Variants in WDPCP observed in about 807,000 individuals in gnomAD.
WDPCP encodes the protein WD repeat-containing and planar cell polarity effector protein fritz homolog.
In WDPCP, 71 loss-of-function variants were observed where a neutral mutation model predicts 93.1. That is an observed-to-expected ratio of 0.76 (90% CI 0.63 to 0.93). WDPCP has a LOEUF of 0.93. WDPCP is among the 40% of genes least tolerant of loss of function. WDPCP has a pLI of 0.00. For missense variants in WDPCP, 844 were observed against 887.4 expected (o/e 0.95, Z 0.62); for synonymous variants, 315 against 315.0 (o/e 1.00, Z 0.00).
At chr2:63,765,710 A>G (rs927383755) in intron 2 of WDPCP, among the ~76,000 whole-genome samples, 2 of 152,204 alleles carry the variant, frequency 1.3e-5, no homozygotes, top group African/African-American at 4.8e-5. Flanking sequence ...CAGACCAGGA[A>G]CCACAGCTAA....
chr2:63,741,625 A>C (rs966071628), intron 2 of WDPCP, among the ~76,000 whole-genome samples: 1 of 152,034 alleles, frequency 6.6e-6, no homozygotes, highest in African/African-American at 2.4e-5. Flanking sequence ...TAACAATGTA[A>C]CGTCATTCCT....
chr2:63,706,024 T>C lies in WDPCP; in HGVS notation n.309-55186A>G, dbSNP rs552781777. Among the ~76,000 whole-genome samples, 19 of 152,342 alleles carry C rather than the reference T, an allele frequency of 1.2e-4. No individual in the cohort carries two copies. In the East Asian group the frequency reaches 3.7e-3, roughly 29 times the overall value. ...TATTTAGAATAGTTAGTTCTTCTTG[T>C]TGAATTGATCCCTTTACCATTATGT... On this transcript the variant is annotated intron_variant and non_coding_transcript_variant, in intron 2 of 4. Transcript: ENST00000467687.
At chr2:63,520,193 CA>C (rs2106154773) in intron 1 of WDPCP, among the ~76,000 whole-genome samples, 1 of 151,990 alleles carries the variant, frequency 6.6e-6, no homozygotes, top group South Asian at 2.1e-4. Flanking sequence ...AAGAAAAAAG[CA>C]ATAAAAAAGA....
At chr2:63,466,061 G>A (rs1471023160) in intron 6 of WDPCP, among the ~76,000 whole-genome samples, 1 of 152,222 alleles carries the variant, frequency 6.6e-6, no homozygotes, top group Non-Finnish European at 1.5e-5. Flanking sequence ...ACAAGGGACT[G>A]TTCTATTATG....
chr2:63,406,783 C>T (rs778715662), intron 9 of WDPCP, among the ~76,000 whole-genome samples: 11 of 152,178 alleles, frequency 7.2e-5, no homozygotes, highest in Non-Finnish European at 1.5e-4. Flanking sequence ...TCTGTGTACT[C>T]ATTCCTTTCC....
intron 1 of WDPCP, chr2:63,571,676 G>A (rs1475723005): frequency 2.2e-6 from 1 of 463,308 alleles, no homozygotes; most frequent in Non-Finnish European, 4.5e-6. Context: ...ACTAGAAGTG[G>A]CTCGTATTTT....
chr2:63,627,280 G>A (rs1709820044), intron 3 of WDPCP, among the ~76,000 whole-genome samples: 1 of 152,120 alleles, frequency 6.6e-6, no homozygotes, highest in Non-Finnish European at 1.5e-5. Flanking sequence ...TTCCACTGAC[G>A]ATTTTTACAC....
intron 2 of WDPCP, among the ~76,000 whole-genome samples, chr2:63,792,439 C>T (rs1670558154): frequency 6.6e-6 from 1 of 152,144 alleles, no homozygotes; most frequent in Admixed American, 6.5e-5. Context: ...TCCCTCGACA[C>T]ATGGGATTAT....
intron 10 of WDPCP, 68 bp downstream of exon 10, chr2:63,403,980 T>G: frequency 6.3e-7 from 1 of 1,597,094 alleles, no homozygotes; most frequent in Non-Finnish European, 8.6e-7. Flanking sequence ...AAGAATAGTT[T>G]TATTGCCTTA....
chr2:63,473,306 A>C (rs996867315), intron 6 of WDPCP, among the ~76,000 whole-genome samples: 2 of 152,028 alleles, frequency 1.3e-5, no homozygotes, highest in African/African-American at 4.8e-5. Context: ...GAAAAACCTC[A>C]CTATTCTGGA....
intron 3 of WDPCP, chr2:63,622,085 GGA>G: frequency 7.8e-5 from 37 of 472,276 alleles, no homozygotes; most frequent in South Asian, 5.4e-4. Flanking sequence ...TTTTTTTTTT[GGA>G]AGTTGATTTT....
Position 63,620,334 on chromosome 2 carries a change from G to T in WDPCP, n.488+30325C>A, listed in dbSNP as rs1027963826. Among the ~76,000 whole-genome samples, 5 of 152,300 alleles carry T rather than the reference G, an allele frequency of 3.3e-5. No individual in the cohort carries two copies. In the South Asian group the frequency reaches 1.0e-3, roughly 32 times the overall value. ...CTACCTGGGATGCTCAAGCTTGGTA[G>T]GGGGAGGGGCATCCACTATTACTGA... On this transcript the variant is annotated intron_variant and non_coding_transcript_variant, in intron 3 of 4. Coordinates refer to the WDPCP transcript ENST00000467687.
chr2:63,349,098 TAATA>T (rs2104530749), intron 12 of WDPCP, among the ~76,000 whole-genome samples: 1 of 152,292 alleles, frequency 6.6e-6, no homozygotes, highest in East Asian at 1.9e-4. Flanking sequence ...AATTTGTGAT[TAATA>T]AATCTGTAAA....
chr2:63,454,517 AT>A (rs1226163511), intron 6 of WDPCP, among the ~76,000 whole-genome samples: 4 of 146,616 alleles, frequency 2.7e-5, no homozygotes, highest in African/African-American at 1.1e-4. Context: ...AAAAATAAAA[AT>A]AAAAAAATAA....
At chr2:63,663,512 G>C (rs1710251765) in intron 2 of WDPCP, among the ~76,000 whole-genome samples, 1 of 152,228 alleles carries the variant, frequency 6.6e-6, no homozygotes, top group South Asian at 2.1e-4. Flanking sequence ...AGAGGAAGCA[G>C]AGATGGAAAC....
At chr2:63,595,018 C>A (rs1005150647) in intron 3 of WDPCP, 1 of 276,086 alleles carries the variant, frequency 3.6e-6, no homozygotes, top group Non-Finnish European at 6.9e-6. Flanking sequence ...AAATCCTTTT[C>A]TAAGGTATTC....
intron 14 of WDPCP, among the ~76,000 whole-genome samples, chr2:63,194,321 A>AG (rs773765399): frequency 1.2e-4 from 19 of 152,276 alleles, no homozygotes; most frequent in Non-Finnish European, 1.9e-4. Context: ...AGAAAAAAAA[A>AG]TAGTGTTACC....
chr2:63,694,552 A>T (rs562906939), intron 2 of WDPCP, among the ~76,000 whole-genome samples: 1 of 152,152 alleles, frequency 6.6e-6, no homozygotes, highest in Non-Finnish European at 1.5e-5. Context: ...AGCAGGAAAT[A>T]ATTTTATTTT....
chr2:63,575,454 A>G lies in WDPCP; in HGVS notation c.75+12743T>C, dbSNP rs950261779. Among the ~76,000 whole-genome samples the G allele has an allele frequency of 1.4e-4, 6 of 43,176 alleles. 1 individual carries two copies. Among genetic ancestry groups the G allele is most frequent in the African/African-American group, 2.9e-4 (2 of 7,006 alleles). The allele number at this position is 43,176 out of a possible 152,430, so 28.3% of individuals were successfully genotyped here. ...TGTATATACAGTGTATACACTGTAT[A>G]TACAGTATATATGCAGTATATACAG... On this transcript the variant is annotated intron_variant, in intron 1 of 17. Transcript: ENST00000272321.
Sources: gnomAD v4.1 joint callset for allele counts (sites outside exome capture counted in the v4.1 genomes callset) on GRCh38, gnomAD v4.1.1 for gene constraint, MANE v1.5 for transcripts, NCBI Gene and HGNC (gene_info 2026-07-23, HGNC 2026-07-21) for gene names.